The following GRID2 variants were observed in gnomAD, a reference collection of about 807,000 sequenced individuals.
GRID2 encodes the protein glutamate receptor ionotropic, delta-2.
Under a neutral mutation model 114.8 loss-of-function variants are expected in GRID2, and 33 were observed. The ratio of observed to expected loss-of-function variants is 0.29; its 90% CI spans 0.22 to 0.38. The LOEUF (loss-of-function observed/expected upper bound fraction) is 0.38, where lower values mean the gene tolerates loss of function less well. Among genes scored for constraint, GRID2 ranks in the 10% least tolerant of loss-of-function variants. The probability of loss-of-function intolerance (pLI) is 1.00; values close to 1 mark genes in which losing one functional copy is unlikely to be tolerated. For missense variants in GRID2, 1,184 were observed against 1,257.7 expected, an observed-to-expected ratio of 0.94 and a Z score of 0.89; for synonymous variants, 505 against 449.9, an observed-to-expected ratio of 1.12 and a Z score of -1.55.
At chr4:93,051,712 A>G (rs1578853588) in intron 2 of GRID2, among the ~76,000 whole-genome samples, 1 of 152,004 alleles carries the variant, frequency 6.6e-6, no homozygotes, top group Non-Finnish European at 1.5e-5. Flanking sequence ...GAAGAAGATC[A>G]CTAATTGATT....
chr4:92,861,184 C>G (rs529442159), intron 2 of GRID2, among the ~76,000 whole-genome samples: 5 of 152,108 alleles, frequency 3.3e-5, no homozygotes, highest in Non-Finnish European at 5.9e-5. Flanking sequence ...CAAATTATCA[C>G]AAACTTAACA....
At chr4:92,457,928 A>G (rs1223841167) in intron 1 of GRID2, among the ~76,000 whole-genome samples, 2 of 152,156 alleles carry the variant, frequency 1.3e-5, no homozygotes, top group Non-Finnish European at 2.9e-5. Flanking sequence ...AATTTCTGCC[A>G]TTGTAAATTT....
At chr4:93,365,492 T>A (rs971342902) in intron 8 of GRID2, among the ~76,000 whole-genome samples, 3 of 152,284 alleles carry the variant, frequency 2.0e-5, no homozygotes, top group Admixed American at 1.3e-4. Flanking sequence ...TTCCAGACAC[T>A]GTCTTGTTTA....
chr4:93,512,296 G>C (rs1443288606), intron 12 of GRID2, among the ~76,000 whole-genome samples: 1 of 152,066 alleles, frequency 6.6e-6, no homozygotes, highest in Non-Finnish European at 1.5e-5. Flanking sequence ...ACCATTTGTT[G>C]AATGACCTAC....
chr4:93,209,030 G>A (rs1453930963), intron 5 of GRID2, among the ~76,000 whole-genome samples: 1 of 151,994 alleles, frequency 6.6e-6, no homozygotes, highest in Admixed American at 6.6e-5. Flanking sequence ...AACTATTAGT[G>A]ATGATAATGG....
intron 13 of GRID2, among the ~76,000 whole-genome samples, chr4:93,603,750 A>T (rs985725779): frequency 5.3e-5 from 8 of 152,190 alleles, no homozygotes; most frequent in Non-Finnish European, 1.2e-4. Context: ...CATTCTGAAG[A>T]TACTATGGAC....
chr4:93,592,363 G>A (rs1005361047), intron 13 of GRID2, among the ~76,000 whole-genome samples: 5 of 152,140 alleles, frequency 3.3e-5, no homozygotes, highest in East Asian at 1.9e-4. Flanking sequence ...GTAGATGAGC[G>A]ATTTTGAGTG....
chr4:93,744,616 A>G (rs1010378964), intron 14 of GRID2, among the ~76,000 whole-genome samples: 13 of 152,206 alleles, frequency 8.5e-5, no homozygotes, highest in African/African-American at 2.7e-4. Flanking sequence ...TTCTTGAGAT[A>G]GAAGCTACTC....
chr4:92,839,253 C>T (rs976031761), intron 2 of GRID2, among the ~76,000 whole-genome samples: 4 of 151,150 alleles, frequency 2.6e-5, no homozygotes, highest in Non-Finnish European at 5.9e-5. Context: ...TTATTTCATA[C>T]TGTGTGTTGT....
rs185531164 is a variant in GRID2, at chr4:92,863,481, C to T, written c.245-221514C>T. Reference sequence around the variant, plus strand: ...AAAAGTGGATATCAATAAATGACAACGGAAAATGTCCCAATCAAGATTAAA... The same window carrying T: ...AAAAGTGGATATCAATAAATGACAATGGAAAATGTCCCAATCAAGATTAAA... On this transcript the variant is annotated intron_variant, in intron 2 of 15. Transcript: ENST00000282020. Among the ~76,000 whole-genome samples the T allele has an allele frequency of 1.2e-4, 19 of 152,222 alleles. No individual in the cohort carries two copies. In the East Asian group the frequency reaches 1.5e-3, roughly 12 times the overall value.
intron 1 of GRID2, among the ~76,000 whole-genome samples, chr4:92,563,482 A>T (rs1465334302): frequency 6.6e-6 from 1 of 152,140 alleles, no homozygotes; most frequent in African/African-American, 2.4e-5. Flanking sequence ...TTTTTCTCTA[A>T]GAGCTACTAT....
chr4:93,695,746 G>A (rs1329927205), intron 14 of GRID2, among the ~76,000 whole-genome samples: 1 of 152,202 alleles, frequency 6.6e-6, no homozygotes, highest in Non-Finnish European at 1.5e-5. Flanking sequence ...GGGACTAGAA[G>A]AGTGTCCACT....
chr4:92,684,821 T>C (rs1192079190), intron 2 of GRID2, among the ~76,000 whole-genome samples: 2 of 152,092 alleles, frequency 1.3e-5, no homozygotes, highest in Non-Finnish European at 2.9e-5. Context: ...TTTAGACTTA[T>C]GAAATATCCC....
In GRID2 at chr4:93,153,471, A is replaced by C. The variant is rs1257977497; in HGVS notation, c.735+42518A>C. Reference sequence around the variant, plus strand: ...AAGTGGCAGAGACTAGCTAGTCAGAAAGCTTTTTCATCCTTTTCCTAAGCA... The same window carrying C: ...AAGTGGCAGAGACTAGCTAGTCAGACAGCTTTTTCATCCTTTTCCTAAGCA... On this transcript the variant is annotated intron_variant, in intron 4 of 15. Coordinates refer to ENST00000282020, the MANE Select transcript of GRID2 (RefSeq NM_001510.4). Among the ~76,000 whole-genome samples, 3 of 152,062 alleles carry C rather than the reference A, an allele frequency of 2.0e-5. No individual in the cohort carries two copies. The East Asian group carries it at 5.8e-4, about 30-fold the overall frequency.
chr4:93,084,836 C>T, intron 2 of GRID2, 159 bp from the exon 3 acceptor site: 2 of 609,908 alleles, frequency 3.3e-6, no homozygotes, highest in Non-Finnish European at 5.8e-6. Context: ...ACCAATAGTG[C>T]TTTGTAATTT....
At chr4:93,801,500 CTATTTTATTAAA>C (rs1212206538) in intron 1 of GRID2, among the ~76,000 whole-genome samples, 1 of 151,886 alleles carries the variant, frequency 6.6e-6, no homozygotes, top group East Asian at 1.9e-4. Context: ...AAATATAACA[CTATTTTATTAAA>C]TATTTTTAAT....
At chr4:92,440,300 T>C (rs1413944745) in intron 1 of GRID2, among the ~76,000 whole-genome samples, 1 of 146,054 alleles carries the variant, frequency 6.8e-6, no homozygotes, top group Non-Finnish European at 1.5e-5. Context: ...GCTGGTCTAT[T>C]ATCAGACTGT....
At chr4:92,824,607 A>G (rs1388383783) in intron 2 of GRID2, among the ~76,000 whole-genome samples, 1 of 152,106 alleles carries the variant, frequency 6.6e-6, no homozygotes, top group East Asian at 1.9e-4. Context: ...GAAAATTATA[A>G]TTATCAGACC....
At chr4:93,451,676 T>C (rs6532407) in intron 10 of GRID2, among the ~76,000 whole-genome samples, 26,366 of 151,948 alleles carry the variant, frequency 0.17, 3,895 homozygotes, top group African/African-American at 0.41. Flanking sequence ...GAAAGGTAGA[T>C]TTCAGGTAGT....
Sources: allele counts gnomAD v4.1 joint callset (sites outside exome capture counted in the v4.1 genomes callset), GRCh38; gene constraint gnomAD v4.1.1; transcripts MANE v1.5; gene names NCBI Gene and HGNC (gene_info 2026-07-23, HGNC 2026-07-21).